EOGT: variants seen among roughly 807,000 people sequenced by gnomAD.
The protein encoded by EOGT is EGF domain specific O-linked N-acetylglucosamine transferase.
EOGT carries 55 observed loss-of-function variants against 70.5 expected under a neutral mutation model. The observed-to-expected ratio is 0.78, with a 90% CI of 0.63 to 0.98. The LOEUF (loss-of-function observed/expected upper bound fraction) is 0.98, where lower values mean the gene tolerates loss of function less well. Among genes scored for constraint, EOGT ranks in the 50% least tolerant of loss-of-function variants. The pLI is 0.00. For missense variants in EOGT, 703 were observed against 641.9 expected (o/e 1.10, Z -1.03); for synonymous variants, 246 against 217.1 (o/e 1.13, Z -1.17).
chr3:69,004,317 TCTGCAAG>T, intron 8 of EOGT, 54 bp downstream of exon 8: 1 of 1,220,178 alleles, frequency 8.2e-7, no homozygotes, highest in Admixed American at 1.8e-5. Flanking sequence ...TCCATTAATA[TCTGCAAG>T]TGCCGTAAAT....
At position 68,978,463 on chromosome 3, in the gene EOGT, A is replaced by G. The variant is rs748993242; in HGVS notation, c.1335-28T>C. On this transcript the variant is annotated intron_variant, in intron 16 of 17. Transcript: ENST00000383701. Reference sequence around the variant, plus strand: ...AAGGACACAAGGGTGTCACAACATGAGGCTTTTGTCCAAGGTTTTTTCCAA... The same window carrying G: ...AAGGACACAAGGGTGTCACAACATGGGGCTTTTGTCCAAGGTTTTTTCCAA... The G allele has an allele frequency of 5.3e-6, 8 of 1,500,412 alleles. No individual in the cohort carries two copies. The South Asian group carries it at 8.7e-5, about 16-fold the overall frequency. The allele number at this position is 1,500,412 out of a possible 1,614,324, so 92.9% of individuals were successfully genotyped here. A position where few individuals can be genotyped will look rare whatever the true frequency, so the allele number is the denominator to read the frequency against.
intron 10 of EOGT, among the ~76,000 whole-genome samples, chr3:68,995,108 C>A (rs1314195328): frequency 1.3e-5 from 2 of 152,174 alleles, no homozygotes; most frequent in Admixed American, 6.5e-5. Flanking sequence ...TCACAGTTAC[C>A]TCCCTGCTCT....
At chr3:68,994,222 T>C (rs1052035905) in intron 10 of EOGT, among the ~76,000 whole-genome samples, 2 of 152,166 alleles carry the variant, frequency 1.3e-5, no homozygotes, top group African/African-American at 4.8e-5. Context: ...CATGCACATG[T>C]AGTCCTAGCT....
chr3:68,988,268 C>A, intron 13 of EOGT, 27 bp downstream of exon 13: 1 of 1,469,186 alleles, frequency 6.8e-7, no homozygotes, highest in Non-Finnish European at 9.2e-7. Flanking sequence ...CTCAAGCCCA[C>A]CTCAGAATCC....
At chr3:68,988,258 C>T (rs986974449) in intron 13 of EOGT, 37 bp downstream of exon 13, 1 of 1,390,158 alleles carries the variant, frequency 7.2e-7, no homozygotes, top group South Asian at 1.3e-5. Context: ...GGGAAGAAAA[C>T]TCAAGCCCAC....
At chr3:68,983,093 G>A (rs538198601) in intron 14 of EOGT, among the ~76,000 whole-genome samples, 8 of 152,260 alleles carry the variant, frequency 5.3e-5, no homozygotes, top group African/African-American at 1.4e-4. Context: ...GTGAACACAC[G>A]ACTCTACCTC....
At chr3:68,990,085 T>C (rs2090946562) in intron 10 of EOGT, among the ~76,000 whole-genome samples, 1 of 152,212 alleles carries the variant, frequency 6.6e-6, no homozygotes, top group Non-Finnish European at 1.5e-5. Context: ...AATAGCATCT[T>C]ACATACTTCC....
chr3:68,982,073 A>AT (rs762222684), intron 15 of EOGT, among the ~76,000 whole-genome samples: 69 of 151,830 alleles, frequency 4.5e-4, no homozygotes, highest in Non-Finnish European at 8.2e-4. Flanking sequence ...CACTCGGCTA[A>AT]TTTTTTTTAT....
At chr3:69,008,749 C>G (rs999388498) in intron 4 of EOGT, among the ~76,000 whole-genome samples, 8 of 152,218 alleles carry the variant, frequency 5.3e-5, no homozygotes, top group African/African-American at 1.7e-4. Context: ...TATCGGTCCC[C>G]TAACCGAAAG....
rs551406233 is a variant in EOGT at position 68,976,022 on chromosome 3, C to G, written c.*1596G>C. The G allele has an allele frequency of 6.6e-6, 1 of 152,188 alleles. No individual in the cohort carries two copies. Among genetic ancestry groups the G allele is most frequent in the Non-Finnish European group, 1.5e-5 (1 of 68,030 alleles). 9.4% of individuals were successfully genotyped at this position (152,188 alleles called of 1,614,324 possible). A position where few individuals can be genotyped will look rare whatever the true frequency, so the allele number is the denominator to read the frequency against. On this transcript the variant is annotated 3_prime_UTR_variant, in exon 18 of 18. Transcript: ENST00000383701. ...AAGTGTTAATAAAATGTAAACTTCA[C>G]ATTGTGCAGTAAAATAAATCCATGG...
At chr3:69,007,507 C>CGGGGGCGG (rs1553673403) in intron 6 of EOGT, among the ~76,000 whole-genome samples, 2 of 24,818 alleles carry the variant, frequency 8.1e-5, no homozygotes, top group South Asian at 9.7e-4. Context: ...TAAAAATTAG[C>CGGGGGCGG]GGGGGGGGGT....
Position 69,005,174 on chromosome 3 carries a change from G to C in EOGT, c.481C>G (p.Leu161Val). Residue 161 changes from leucine (L) to valine (V), a missense_variant, in exon 7 of 18, where the codon CTT becomes GTT. Physicochemically the swap from Leu to Val is conservative, Grantham distance 32 (BLOSUM62 1). Transcript: ENST00000383701. ...TTTCTCTTGATGTTTCTTAAATCAA[G>C]ATAGAGATTGGTTGCTCTGCAGTAC... Reference protein sequence around the residue: ...LQYCRATNLYLDLRNIKRNHD... With the variant: ...LQYCRATNLYVDLRNIKRNHD... 2 of 1,602,880 alleles carry C rather than the reference G, an allele frequency of 1.2e-6. No homozygotes were observed. The highest frequency in any genetic ancestry group is 8.5e-7 in the Non-Finnish European group (1 of 1,170,596).
chr3:69,009,707 A>G lies in EOGT; in HGVS notation c.140T>C (p.Ile47Thr). Residue 47 changes from isoleucine (I) to threonine (T), a missense_variant, in exon 4 of 18, where the codon ATT becomes ACT. Transcript: ENST00000383701. ...YASIRLPEEHIPFFLHNNRHI... is the reference protein window; with the variant it reads ...YASIRLPEEHTPFFLHNNRHI... ...CCTATTGTTGTGCAAAAAGAAGGGAATGTGCTCCTCTGGCAAGCGGATGCT... is the reference window on the plus strand; with the variant it reads ...CCTATTGTTGTGCAAAAAGAAGGGAGTGTGCTCCTCTGGCAAGCGGATGCT... The G allele has an allele frequency of 1.9e-6, 3 of 1,614,092 alleles. No homozygotes were observed. Among genetic ancestry groups the G allele is most frequent in the Non-Finnish European group, 2.5e-6 (3 of 1,180,018 alleles).
At chr3:68,987,357 G>C (rs924445828) in intron 14 of EOGT, 88 bp downstream of exon 14, 6 of 978,480 alleles carry the variant, frequency 6.1e-6, no homozygotes, top group Non-Finnish European at 9.3e-6. Context: ...TTAAACCAAA[G>C]CTTTTAACGT....
At chr3:69,005,103 A>T in intron 7 of EOGT, 37 bp downstream of exon 7, 1 of 1,159,090 alleles carries the variant, frequency 8.6e-7, no homozygotes, top group Non-Finnish European at 1.2e-6. Context: ...AATATTTCAG[A>T]ATTTATACTA....
intron 10 of EOGT, among the ~76,000 whole-genome samples, chr3:68,994,589 C>T (rs776428884): frequency 3.9e-5 from 6 of 152,076 alleles, no homozygotes; most frequent in East Asian, 3.9e-4. Flanking sequence ...GTCAGGAGTT[C>T]GAAACCAGCC....
intron 10 of EOGT, among the ~76,000 whole-genome samples, 159 bp from the exon 11 acceptor site, chr3:68,989,176 C>A (rs1575731446): frequency 1.3e-5 from 2 of 152,106 alleles, no homozygotes; most frequent in South Asian, 4.2e-4. Context: ...CATCTTGGGC[C>A]AGAGCAAATG....
intron 17 of EOGT, 88 bp from the exon 18 acceptor site, chr3:68,977,852 G>A: frequency 2.9e-6 from 4 of 1,358,592 alleles, no homozygotes; most frequent in Non-Finnish European, 4.0e-6. Context: ...TTTGGTTAAG[G>A]CAACTAATTT....
At chr3:69,008,887 T>C (rs2091502023) in intron 4 of EOGT, among the ~76,000 whole-genome samples, 1 of 152,208 alleles carries the variant, frequency 6.6e-6, no homozygotes, top group Non-Finnish European at 1.5e-5. Context: ...AAACTGGAAT[T>C]TGTGCTACCA....
Sources: gnomAD v4.1 joint callset for allele counts (sites outside exome capture counted in the v4.1 genomes callset) on GRCh38, gnomAD v4.1.1 for gene constraint, MANE v1.5 for transcripts, NCBI Gene and HGNC (gene_info 2026-07-23, HGNC 2026-07-21) for gene names.